EPM2A: variants seen among roughly 807,000 people sequenced by gnomAD.
EPM2A encodes the protein EPM2A glucan phosphatase, laforin, also known as laforin.
In EPM2A, 21 loss-of-function variants were observed where a neutral mutation model predicts 26.5. That is an observed-to-expected ratio of 0.79 (90% confidence interval 0.56 to 1.14). EPM2A has a LOEUF of 1.14. EPM2A is among the 50% of genes most tolerant of loss of function. The pLI, the probability that EPM2A is intolerant of heterozygous loss-of-function variation, is 0.00. For synonymous variants in EPM2A, 217 were observed against 177.6 expected (o/e 1.22, Z -1.76); for missense variants, 458 against 440.8 (o/e 1.04, Z -0.35).
chr6:145,735,032 G>T, intron 1 of EPM2A, 166 bp downstream of exon 1: 1 of 400,992 alleles, frequency 2.5e-6, no homozygotes. Context: ...GTGGCCGGCA[G>T]AGCAGGGTCA....
chr6:145,580,446 C>T (rs1464222776), intron 2 of EPM2A, among the ~76,000 whole-genome samples: 1 of 152,060 alleles, frequency 6.6e-6, no homozygotes, highest in Non-Finnish European at 1.5e-5. Context: ...TTAAGAATGG[C>T]ATTTTATTTT....
At chr6:145,597,294 T>TTA (rs1198015014) in intron 2 of EPM2A, among the ~76,000 whole-genome samples, 1 of 152,190 alleles carries the variant, frequency 6.6e-6, no homozygotes, top group East Asian at 1.9e-4. Flanking sequence ...AGGAGATAAA[T>TTA]TCTTAGAGAC....
chr6:145,679,322 T>C (rs1780320815), intron 2 of EPM2A, among the ~76,000 whole-genome samples: 1 of 151,996 alleles, frequency 6.6e-6, no homozygotes, highest in Non-Finnish European at 1.5e-5. Flanking sequence ...GACGAGTTGA[T>C]GGGTGCAGCA....
Position 145,625,959 on chromosome 6 carries a change from C to A in EPM2A, c.*1457G>T. The A allele has an allele frequency of 8.1e-7, 1 of 1,237,858 alleles. No individual in the cohort carries two copies. The highest frequency in any genetic ancestry group is 1.1e-6 in the Non-Finnish European group (1 of 930,234). The allele number at this position is 1,237,858 out of a possible 1,614,324, so 76.7% of individuals were successfully genotyped here. ...GAATCAAACCCAGCTTTGTATCTCA[C>A]TTCATCTATTTATTCATCATGTGAC... is the stretch of plus-strand genomic sequence containing the variant. On this transcript the variant is annotated 3_prime_UTR_variant, in exon 4 of 4. Transcript: ENST00000367519.
intron 4 of EPM2A, among the ~76,000 whole-genome samples, chr6:145,424,549 T>C (rs1231589160): frequency 2.0e-5 from 3 of 152,308 alleles, no homozygotes; most frequent in Non-Finnish European, 2.9e-5. Flanking sequence ...AATAATTATG[T>C]CTGATCTATT....
At chr6:145,681,994 T>G (rs909838691) in intron 2 of EPM2A, among the ~76,000 whole-genome samples, 1 of 152,086 alleles carries the variant, frequency 6.6e-6, no homozygotes, top group African/African-American at 2.4e-5. Context: ...CTAATATTGC[T>G]CTCTCACACC....
rs150450474 is a variant in EPM2A, at chr6:145,703,468, T to C, written c.302-17172A>G. On this transcript the variant is annotated intron_variant, in intron 1 of 3. Transcript: ENST00000367519. ...GATTTGGCACAAAACAATTAAAATGTTACATAGCATTTTAGCCATTTAAAA... is the reference window on the plus strand; with the variant it reads ...GATTTGGCACAAAACAATTAAAATGCTACATAGCATTTTAGCCATTTAAAA... Among the ~76,000 whole-genome samples the C allele has an allele frequency of 4.3e-3, 660 of 152,284 alleles. 5 individuals carry two copies. Among genetic ancestry groups the C allele is most frequent in the African/African-American group, 0.014 (572 of 41,542 alleles).
At chr6:145,554,376 A>T (rs1780693482) in intron 2 of EPM2A, among the ~76,000 whole-genome samples, 1 of 151,862 alleles carries the variant, frequency 6.6e-6, no homozygotes, top group East Asian at 1.9e-4. Flanking sequence ...AAACAGAACC[A>T]ATCAGATGGA....
At chr6:145,702,130 T>C (rs1202182439) in intron 1 of EPM2A, among the ~76,000 whole-genome samples, 2 of 152,216 alleles carry the variant, frequency 1.3e-5, no homozygotes, top group Non-Finnish European at 2.9e-5. Context: ...CACCCAGCAC[T>C]CTTACTTCCC....
chr6:145,412,581 T>G (rs1337878149), intron 4 of EPM2A, among the ~76,000 whole-genome samples: 1 of 152,192 alleles, frequency 6.6e-6, no homozygotes, highest in Non-Finnish European at 1.5e-5. Flanking sequence ...AAAAATCAAT[T>G]ATATACTCAT....
In EPM2A at chr6:145,731,114, C is replaced by T. The variant is rs373897286; in HGVS notation, c.301+4084G>A. On this transcript the variant is annotated intron_variant, in intron 1 of 3. Coordinates refer to ENST00000367519, the MANE Select transcript of EPM2A (RefSeq NM_005670.4). ...AAACTCCATTCAACAATAAAATATA[C>T]TAAATTATCCCACCTCATGATCAAG... Among the ~76,000 whole-genome samples the T allele has an allele frequency of 6.2e-4, 95 of 152,118 alleles. 1 individual carries two copies. The highest frequency in any genetic ancestry group is 4.8e-3 in the South Asian group (23 of 4,812).
chr6:145,633,866 T>C (rs1241467247), intron 3 of EPM2A: 1 of 152,222 alleles, frequency 6.6e-6, no homozygotes, highest in African/African-American at 2.4e-5. Context: ...TCTGGAGCAA[T>C]GTTCTGGGTC....
At chr6:145,455,136 C>G (rs887780054) in intron 4 of EPM2A, among the ~76,000 whole-genome samples, 2 of 151,548 alleles carry the variant, frequency 1.3e-5, no homozygotes, top group African/African-American at 4.8e-5. Flanking sequence ...TATGGAATTA[C>G]TTAAAATTGT....
chr6:145,720,128 A>G (rs1775873453), intron 1 of EPM2A, among the ~76,000 whole-genome samples: 1 of 152,190 alleles, frequency 6.6e-6, no homozygotes, highest in Admixed American at 6.5e-5. Flanking sequence ...ACCACAATAA[A>G]AAGACAACAT....
intron 1 of EPM2A, chr6:145,706,036 T>C: frequency 2.3e-6 from 1 of 437,878 alleles, no homozygotes; most frequent in South Asian, 1.6e-5. Context: ...CTTGGAATGT[T>C]TAGGTTTCAG....
intron 4 of EPM2A, among the ~76,000 whole-genome samples, chr6:145,478,282 C>CA (rs908373246): frequency 8.0e-5 from 12 of 150,768 alleles, no homozygotes; most frequent in African/African-American, 1.7e-4. Context: ...AAGAGGACAC[C>CA]AAAAAAAATG....
chr6:145,638,956 T>C (rs966571941), intron 2 of EPM2A: 2 of 152,220 alleles, frequency 1.3e-5, no homozygotes, highest in African/African-American at 4.8e-5. Context: ...TTTGATACCA[T>C]TAAAAATTCA....
chr6:145,622,357 T>C (rs571867271), downstream of EPM2A, among the ~76,000 whole-genome samples: 23 of 152,320 alleles, frequency 1.5e-4, no homozygotes, highest in African/African-American at 5.5e-4. Flanking sequence ...ATCTGCCTGG[T>C]TTCTTTCACT....
chr6:145,713,988 C>T (rs1005722413), intron 1 of EPM2A, among the ~76,000 whole-genome samples: 1 of 152,146 alleles, frequency 6.6e-6, no homozygotes, highest in Non-Finnish European at 1.5e-5. Flanking sequence ...CAAAGGGCCA[C>T]ATATTGTATG....
Sources: gnomAD v4.1 joint callset for allele counts (sites outside exome capture counted in the v4.1 genomes callset) on GRCh38, gnomAD v4.1.1 for gene constraint, MANE v1.5 for transcripts, NCBI Gene and HGNC (gene_info 2026-07-23, HGNC 2026-07-21) for gene names.